POGLUT3: variants seen among roughly 807,000 people sequenced by gnomAD.
POGLUT3 encodes KDEL (Lys-Asp-Glu-Leu) containing 2.
In POGLUT3, 48 loss-of-function variants were observed where a neutral mutation model predicts 54.3. That is an observed-to-expected ratio of 0.88 (90% CI 0.70 to 1.12). The LOEUF (loss-of-function observed/expected upper bound fraction) is 1.12, where lower values mean the gene tolerates loss of function less well. Ranked by LOEUF, POGLUT3 falls within the 50% of genes most tolerant of loss-of-function variation. The pLI is 0.00. For missense variants in POGLUT3, 629 were observed against 618.7 expected (o/e 1.02, Z -0.18); for synonymous variants, 218 against 237.4 (o/e 0.92, Z 0.75).
chr11:108,481,172 AT>A lies in POGLUT3; in HGVS notation c.1098+7del. ...TTCATATCCATAGAAGAAGACTCAA[AT>A]GCATACCTTAAAGAAATCAAAGAAA... On this transcript the variant is annotated splice_region_variant and intron_variant, in intron 5 of 7. Coordinates refer to ENST00000323468, the MANE Select transcript of POGLUT3 (RefSeq NM_153705.5). 1 of 1,594,770 alleles carries A rather than the reference AT, an allele frequency of 6.3e-7. No homozygotes were observed. Among genetic ancestry groups the A allele is most frequent in the East Asian group, 2.2e-5 (1 of 44,544 alleles).
chr11:108,493,659 C>A (rs1038527361), intron 1 of POGLUT3, among the ~76,000 whole-genome samples: 1 of 151,998 alleles, frequency 6.6e-6, no homozygotes, highest in Non-Finnish European at 1.5e-5. Flanking sequence ...CAAAAATTAG[C>A]CGGGCATGAT....
rs184125231 is a variant in POGLUT3 at position 108,490,495 on chromosome 11, C to T, written c.400+475G>A. ...GGATTACAGATGTGAGCCACCACGC[C>T]CAGCCTGCAGTGAGCTTTGACTGTG... On this transcript the variant is annotated intron_variant, in intron 2 of 7. Coordinates refer to ENST00000323468, the MANE Select transcript of POGLUT3 (RefSeq NM_153705.5). Among the ~76,000 whole-genome samples, 3 of 152,154 alleles carry T rather than the reference C, an allele frequency of 2.0e-5. No homozygotes were observed. In the East Asian group the frequency reaches 5.8e-4, roughly 29 times the overall value.
At chr11:108,498,122 G>A (rs2093625631) in intron 1 of POGLUT3, 43 bp downstream of exon 1, 2 of 1,463,432 alleles carry the variant, frequency 1.4e-6, no homozygotes, top group Non-Finnish European at 1.8e-6. Context: ...GGACGCGCGG[G>A]GACCCGGCCG....
chr11:108,483,364 T>A (rs1477196964), intron 3 of POGLUT3, among the ~76,000 whole-genome samples: 1 of 152,220 alleles, frequency 6.6e-6, no homozygotes, highest in Admixed American at 6.5e-5. Context: ...GGCAGTCTCC[T>A]TTCTCATCCT....
At position 108,474,891 on chromosome 11, in the gene POGLUT3, T is replaced by G; in HGVS notation, c.1460A>C (p.Gln487Pro). The change falls in exon 8 of 8, where the codon CAG becomes CCG. Residue 487 changes from glutamine (Q) to proline (P), a missense_variant. Physicochemically the swap from Gln to Pro is moderately conservative, Grantham distance 76 (BLOSUM62 -1). Transcript: ENST00000323468. ...GCAGATGGCTGTGCTATCTTCTGGC[T>G]GAGGAACAAGTTCCATTCCATCACG... is the stretch of plus-strand genomic sequence containing the variant. ...EVRDGMELVP[Q>P]PEDSTAICQC... 1 of 1,614,164 alleles carries G rather than the reference T, an allele frequency of 6.2e-7. No individual in the cohort carries two copies. Among genetic ancestry groups the G allele is most frequent in the Non-Finnish European group, 8.5e-7 (1 of 1,180,018 alleles).
At position 108,489,674 on chromosome 11, in the gene POGLUT3, C is replaced by T. The variant is rs144709996; in HGVS notation, c.400+1296G>A. ...TGGTGGCTCATGCCTGTAATCCCAG[C>T]ACTTTGGGGAGCCGAGGCAGGGGGA... On this transcript the variant is annotated intron_variant, in intron 2 of 7. Transcript: ENST00000323468. Among the ~76,000 whole-genome samples the T allele has an allele frequency of 7.7e-3, 1,170 of 152,250 alleles. 13 individuals carry two copies. Among genetic ancestry groups the T allele is most frequent in the African/African-American group, 0.025 (1,050 of 41,528 alleles).
In POGLUT3 at chr11:108,498,360, G is replaced by A. The variant is rs763194109; in HGVS notation, c.7C>T (p.Arg3Cys). The A allele has an allele frequency of 3.7e-4, 491 of 1,316,414 alleles. No homozygotes were observed. The highest frequency in any genetic ancestry group is 4.3e-4 in the Non-Finnish European group (450 of 1,036,102). 81.5% of individuals were successfully genotyped at this position (1,316,414 alleles called of 1,614,324 possible). Residue 3 changes from arginine (R) to cysteine (C), a missense_variant, in exon 1 of 8, where the codon CGC (arginine) becomes TGC (cysteine). Transcript: ENST00000323468. The part of the protein sequence containing the change: MR[R>C]LPRALLLQLR... ...TGCAGCAGCAGGGCCCGCGGGAGGC[G>A]GCGCATGGTCGGCGGGGCACAACTG...
At position 108,472,413 on chromosome 11, in the gene POGLUT3, A is replaced by G. The variant is rs1019810069; in HGVS notation, c.*2414T>C. 1.3e-5 allele frequency: 2 copies of G among 152,194 alleles called. No individual in the cohort carries two copies. Among genetic ancestry groups the G allele is most frequent in the Non-Finnish European group, 2.9e-5 (2 of 68,038 alleles). 9.4% of individuals were successfully genotyped at this position (152,194 alleles called of 1,614,324 possible). A position where few individuals can be genotyped will look rare whatever the true frequency, so the allele number is the denominator to read the frequency against. ...TCAGATATTGGTGAATCTCCTCCCA[A>G]ACTTTCAACCACATAGATGCATTTT... On this transcript the variant is annotated 3_prime_UTR_variant, in exon 8 of 8. Coordinates refer to ENST00000323468, the MANE Select transcript of POGLUT3 (RefSeq NM_153705.5).
chr11:108,477,471 G>T, intron 7 of POGLUT3, 136 bp downstream of exon 7: 1 of 617,072 alleles, frequency 1.6e-6, no homozygotes, highest in Non-Finnish European at 2.9e-6. Flanking sequence ...CTTTCCCTAG[G>T]CAAGTGCCTT....
chr11:108,480,527 C>G (rs950723066), intron 5 of POGLUT3, among the ~76,000 whole-genome samples: 1 of 152,174 alleles, frequency 6.6e-6, no homozygotes, highest in African/African-American at 2.4e-5. Flanking sequence ...ATCCCCTGTT[C>G]TACTCATTGT....
intron 1 of POGLUT3, among the ~76,000 whole-genome samples, chr11:108,497,141 A>ATGG (rs2093623610): frequency 6.6e-6 from 1 of 152,224 alleles, no homozygotes; most frequent in Non-Finnish European, 1.5e-5. Flanking sequence ...AAGTTCCTTG[A>ATGG]TGGTCAGGCA....
intron 1 of POGLUT3, among the ~76,000 whole-genome samples, chr11:108,497,508 G>A (rs575080355): frequency 3.3e-5 from 5 of 152,314 alleles, no homozygotes; most frequent in African/African-American, 7.2e-5. Flanking sequence ...TTAAGAAGTT[G>A]CAAAGGTTAA....
chr11:108,490,918 G>T (rs1441224882), intron 2 of POGLUT3, 52 bp downstream of exon 2: 7 of 1,413,456 alleles, frequency 5.0e-6, no homozygotes, highest in Non-Finnish European at 7.0e-6. Context: ...CATTCTGAAA[G>T]GCATGGGACC....
chr11:108,496,814 C>G (rs2093623091), intron 1 of POGLUT3, among the ~76,000 whole-genome samples: 1 of 152,188 alleles, frequency 6.6e-6, no homozygotes, highest in African/African-American at 2.4e-5. Flanking sequence ...GTTATAAAGT[C>G]ATTTGCTTGG....
chr11:108,481,912 T>C, intron 4 of POGLUT3, 94 bp downstream of exon 4: 1 of 964,988 alleles, frequency 1.0e-6, no homozygotes, highest in Non-Finnish European at 1.6e-6. Flanking sequence ...TACAAGACTT[T>C]TTCTAATATG....
chr11:108,495,906 A>G (rs536006195), intron 1 of POGLUT3, among the ~76,000 whole-genome samples: 2 of 152,330 alleles, frequency 1.3e-5, no homozygotes, highest in South Asian at 4.1e-4. Flanking sequence ...TCACAGGGGT[A>G]AACCATGCAG....
intron 4 of POGLUT3, 87 bp from the exon 5 acceptor site, chr11:108,481,463 C>A: frequency 9.7e-7 from 1 of 1,032,872 alleles, no homozygotes; most frequent in Non-Finnish European, 1.4e-6. Context: ...CTACCATTGT[C>A]ATTTAAGATG....
Position 108,498,282 on chromosome 11 carries a change from C to T in POGLUT3, c.85G>A (p.Ala29Thr). 6.7e-7 allele frequency: 1 copy of T among 1,488,178 alleles called. No individual in the cohort carries two copies. Among genetic ancestry groups the T allele is most frequent in the South Asian group, 1.3e-5 (1 of 78,048 alleles). 92.2% of individuals were successfully genotyped at this position (1,488,178 alleles called of 1,614,324 possible). ...GGCCCCCACACCAGGCTCCGCGGCGCGCTGACCAGCACCTCCGGGGCCCCC... is the reference window on the plus strand; with the variant it reads ...GGCCCCCACACCAGGCTCCGCGGCGTGCTGACCAGCACCTCCGGGGCCCCC... ...AAGAPEVLVS[A>T]PRSLVWGPGL... The change falls in exon 1 of 8, where the codon GCG becomes ACG. Residue 29 changes from alanine to threonine, a missense_variant. By Grantham distance (58) the Ala-to-Thr change is moderately conservative. Coordinates refer to ENST00000323468, the MANE Select transcript of POGLUT3 (RefSeq NM_153705.5).
At chr11:108,490,390 G>A (rs7396719) in intron 2 of POGLUT3, among the ~76,000 whole-genome samples, 23,474 of 151,866 alleles carry the variant, frequency 0.15, 1,983 homozygotes, top group African/African-American at 0.18. Flanking sequence ...TAGTAGAGAC[G>A]GGGTTTCACC....
Sources: gnomAD v4.1 joint callset for allele counts (sites outside exome capture counted in the v4.1 genomes callset) on GRCh38, gnomAD v4.1.1 for gene constraint, MANE v1.5 for transcripts, NCBI Gene and HGNC (gene_info 2026-07-23, HGNC 2026-07-21) for gene names.